IRAK1BP1: variants seen among roughly 807,000 people sequenced by gnomAD.
The protein encoded by IRAK1BP1 is interleukin-1 receptor-associated kinase 1-binding protein 1.
Under a neutral mutation model 28.0 loss-of-function variants are expected in IRAK1BP1, and 24 were observed. The ratio of observed to expected loss-of-function variants is 0.86; its 90% CI spans 0.62 to 1.20. The LOEUF (loss-of-function observed/expected upper bound fraction) is 1.20. Among genes scored for constraint, IRAK1BP1 ranks in the 50% most tolerant of loss-of-function variants. IRAK1BP1 has a pLI of 0.00. For synonymous variants in IRAK1BP1, 131 were observed against 116.3 expected, an observed-to-expected ratio of 1.13 and a Z score of -0.81; for missense variants, 336 against 316.7, an observed-to-expected ratio of 1.06 and a Z score of -0.46.
At position 78,896,417 on chromosome 6, in the gene IRAK1BP1, G is replaced by T. The variant is rs114411184; in HGVS notation, c.382-1412G>T. The stretch of plus-strand genomic sequence containing the variant: ...AGGAACAAAAATATTATGCAACAAT[G>T]TGGATGAATTGCAAATACATTATGC... On this transcript the variant is annotated intron_variant, in intron 2 of 3. Coordinates refer to ENST00000369940, the MANE Select transcript of IRAK1BP1 (RefSeq NM_001010844.4). Among the ~76,000 whole-genome samples, 625 of 151,096 alleles carry T rather than the reference G, an allele frequency of 4.1e-3. 2 individuals carry two copies. Among genetic ancestry groups the T allele is most frequent in the African/African-American group, 0.014 (566 of 41,202 alleles).
chr6:78,935,914 T>C (rs999046834), intron 4 of IRAK1BP1: 1 of 188,368 alleles, frequency 5.3e-6, no homozygotes, highest in African/African-American at 2.4e-5. Context: ...AAGTTTGTAG[T>C]TACTACATTG....
chr6:78,973,276 T>C, the IRAK1BP1 span, among the ~76,000 whole-genome samples: 2 of 151,308 alleles, frequency 1.3e-5, no homozygotes, highest in Non-Finnish European at 2.9e-5. Flanking sequence ...CCAGCCAAAG[T>C]AAGCTTCATA....
chr6:78,967,212 G>A, the IRAK1BP1 span, among the ~76,000 whole-genome samples: 9 of 152,158 alleles, frequency 5.9e-5, no homozygotes, highest in Admixed American at 5.9e-4. Flanking sequence ...GAAAATTGGA[G>A]CCAGGAGAAA....
chr6:78,912,281 A>T (rs1044213142), intron 4 of IRAK1BP1, among the ~76,000 whole-genome samples: 1 of 152,212 alleles, frequency 6.6e-6, no homozygotes, highest in African/African-American at 2.4e-5. Context: ...GGACAAGAGT[A>T]GGTTCTGCTG....
At chr6:78,973,022 G>C in the IRAK1BP1 span, among the ~76,000 whole-genome samples, 2 of 152,128 alleles carry the variant, frequency 1.3e-5, no homozygotes, top group Non-Finnish European at 2.9e-5. Flanking sequence ...AGGAAATACA[G>C]AGAACGCCAT....
the IRAK1BP1 span, chr6:78,957,645 C>T: frequency 6.4e-4 from 96 of 149,382 alleles, 1 homozygote; most frequent in South Asian, 8.2e-3. Flanking sequence ...CTGATAACAG[C>T]TAAGTAAGCT....
chr6:78,955,256 T>C, the IRAK1BP1 span: 1 of 1,610,490 alleles, frequency 6.2e-7, no homozygotes, highest in Middle Eastern at 1.7e-4. Context: ...TAGAAGTTCC[T>C]GGCACATCAG....
intron 2 of IRAK1BP1, among the ~76,000 whole-genome samples, chr6:78,895,186 A>G (rs537761236): frequency 1.4e-4 from 22 of 152,278 alleles, no homozygotes; most frequent in Middle Eastern, 3.4e-3. Context: ...AACCAGTAAT[A>G]GAAGGGCCTC....
At chr6:78,879,077 A>T (rs1273488807) in intron 1 of IRAK1BP1, among the ~76,000 whole-genome samples, 1 of 152,182 alleles carries the variant, frequency 6.6e-6, no homozygotes, top group Non-Finnish European at 1.5e-5. Flanking sequence ...ACTCTTCACG[A>T]TATTATCCAG....
intron 4 of IRAK1BP1, among the ~76,000 whole-genome samples, chr6:78,908,596 C>T (rs1437537350): frequency 2.6e-5 from 4 of 152,190 alleles, no homozygotes; most frequent in Admixed American, 1.3e-4. Context: ...CCACCATGGC[C>T]TCCCAAAGTG....
chr6:78,963,748 T>G, the IRAK1BP1 span, among the ~76,000 whole-genome samples: 1 of 152,248 alleles, frequency 6.6e-6, no homozygotes, highest in Admixed American at 6.5e-5. Context: ...GCTTTCTGCA[T>G]GCTTGAATCT....
chr6:78,873,878 G>T (rs997819235), intron 1 of IRAK1BP1, among the ~76,000 whole-genome samples: 3 of 152,158 alleles, frequency 2.0e-5, no homozygotes, highest in African/African-American at 7.2e-5. Context: ...TAAGAGTTTT[G>T]TTTTCTCTTA....
the IRAK1BP1 span, chr6:78,958,549 T>C: frequency 6.3e-7 from 1 of 1,580,674 alleles, no homozygotes; most frequent in Non-Finnish European, 8.7e-7. Flanking sequence ...CATTAAATGT[T>C]CGTGTATTAT....
At chr6:78,979,361 CTCCTT>C in the IRAK1BP1 span, among the ~76,000 whole-genome samples, 1 of 152,092 alleles carries the variant, frequency 6.6e-6, no homozygotes, top group Non-Finnish European at 1.5e-5. Context: ...TCTGTGTATT[CTCCTT>C]TCCTTTCAAA....
chr6:78,967,949 G>A, the IRAK1BP1 span, among the ~76,000 whole-genome samples: 40 of 151,674 alleles, frequency 2.6e-4, no homozygotes, highest in African/African-American at 8.5e-4. Flanking sequence ...CCTGGCTAAC[G>A]CGGTGAAACC....
rs199667399 is a variant in IRAK1BP1 at position 78,867,813 on chromosome 6, G to T, written c.237G>T (p.Glu79Asp). The part of the protein sequence containing the change: ...QVVVRVSSTK[E>D]AAAEAKKSVC... The stretch of plus-strand genomic sequence containing the variant: ...TGGTGCGAGTGAGCAGCACCAAGGA[G>T]GCGGCAGCCGAGGCCAAAAAGAGCG... Residue 79 changes from glutamate (E) to aspartate (D), a missense_variant, in exon 1 of 4, where the codon GAG becomes GAT. Transcript: ENST00000369940. 4 of 1,612,958 alleles carry T rather than the reference G, an allele frequency of 2.5e-6. No homozygotes were observed. Among genetic ancestry groups the T allele is most frequent in the Non-Finnish European group, 3.4e-6 (4 of 1,179,484 alleles).
At chr6:78,929,522 A>G (rs1293851740) in intron 4 of IRAK1BP1, among the ~76,000 whole-genome samples, 2 of 152,136 alleles carry the variant, frequency 1.3e-5, no homozygotes. Flanking sequence ...GAAACAATAG[A>G]CACTGAAGAC....
intron 1 of IRAK1BP1, among the ~76,000 whole-genome samples, chr6:78,879,609 A>G (rs189984454): frequency 6.6e-6 from 1 of 152,354 alleles, no homozygotes; most frequent in Admixed American, 6.5e-5. Context: ...GTTGCCTGTT[A>G]CCAGGATAGA....
the IRAK1BP1 span, among the ~76,000 whole-genome samples, chr6:78,977,270 G>T: frequency 6.6e-6 from 1 of 151,164 alleles, no homozygotes; most frequent in African/African-American, 2.4e-5. Context: ...GTAAACTATT[G>T]CAAGAACAAA....
Sources: allele counts gnomAD v4.1 joint callset (sites outside exome capture counted in the v4.1 genomes callset), GRCh38; gene constraint gnomAD v4.1.1; transcripts MANE v1.5; gene names NCBI Gene and HGNC (gene_info 2026-07-23, HGNC 2026-07-21).